The following RNF20 variants were observed in gnomAD, a reference collection of about 807,000 sequenced individuals.
RNF20 encodes E3 ubiquitin-protein ligase BRE1A.
In RNF20, 84 loss-of-function variants were observed where a neutral mutation model predicts 126.2. The ratio of observed to expected loss-of-function variants is 0.67; its 90% CI spans 0.56 to 0.80. The LOEUF (loss-of-function observed/expected upper bound fraction) is 0.80. RNF20 is among the 30% of genes least tolerant of loss of function. RNF20 has a pLI of 0.00. For synonymous variants in RNF20, 400 were observed against 414.3 expected (o/e 0.97, Z 0.42); for missense variants, 869 against 1,188.2 (o/e 0.73, Z 3.95).
intron 15 of RNF20, among the ~76,000 whole-genome samples, chr9:101,556,502 T>G (rs1310718957): frequency 6.6e-6 from 1 of 152,100 alleles, no homozygotes; most frequent in Non-Finnish European, 1.5e-5. Flanking sequence ...TAGAGAAAAG[T>G]TAGATACATA....
At position 101,551,730 on chromosome 9, in the gene RNF20, AGC is replaced by A. The variant is rs1325671487; in HGVS notation, c.1320_1321del (p.Gln440HisfsTer13). 1 of 1,601,738 alleles carries A rather than the reference AGC, an allele frequency of 6.2e-7. No homozygotes were observed. On this transcript the variant is annotated frameshift_variant, in exon 11 of 20. Transcript: ENST00000389120. LOFTEE classifies it high-confidence loss of function. The stretch of plus-strand genomic sequence containing the variant: ...AAGAAGCTGAGGACTGAAGTAATTC[AGC>A]TAGAAGATACATTGGCCCAGGTCCG...
intron 5 of RNF20, among the ~76,000 whole-genome samples, chr9:101,543,881 A>G (rs1827303360): frequency 6.6e-6 from 1 of 152,198 alleles, no homozygotes; most frequent in South Asian, 2.1e-4. Context: ...TAGGTATGAG[A>G]TAGGTCCTAG....
rs200595234 is a variant in RNF20 at position 101,540,290 on chromosome 9, C to T, written c.217C>T (p.Arg73Cys). The change falls in exon 3 of 20, where the codon CGT becomes TGT. Residue 73 changes from arginine to cysteine, a missense_variant. Coordinates refer to ENST00000389120, the MANE Select transcript of RNF20 (RefSeq NM_019592.7). Reference protein sequence around the residue: ...DQRQAIEDELREHIEKLERRQ... With the variant: ...DQRQAIEDELCEHIEKLERRQ... The stretch of plus-strand genomic sequence containing the variant: ...GCGGCAGGCCATTGAAGATGAACTT[C>T]GTGAGCACATTGAAAAACTGGAACG... 2.9e-5 allele frequency: 47 copies of T among 1,614,004 alleles called. No individual in the cohort carries two copies. The highest frequency in any genetic ancestry group is 3.3e-5 in the South Asian group (3 of 91,082).
In RNF20 at chr9:101,562,335, G is replaced by A. The variant is rs1827641760; in HGVS notation, c.2841G>A (p.Lys947=). 1 of 1,614,010 alleles carries A rather than the reference G, an allele frequency of 6.2e-7. No individual in the cohort carries two copies. Among genetic ancestry groups the A allele is most frequent in the African/African-American group, 1.3e-5 (1 of 75,036 alleles). Residue 947 remains lysine (K), a synonymous_variant, in exon 20 of 20, where the codon AAG becomes AAA. Transcript: ENST00000389120. The part of the protein sequence containing the change: ...CFHVFCFECV[K]TRYDTRQRKC... Reference sequence around the variant, plus strand: ...ATGTCTTCTGCTTTGAGTGTGTGAAGACACGCTATGACACCCGCCAGCGCA... The same window carrying A: ...ATGTCTTCTGCTTTGAGTGTGTGAAAACACGCTATGACACCCGCCAGCGCA...
At chr9:101,535,233 AT>A (rs78332864) in intron 1 of RNF20, among the ~76,000 whole-genome samples, 164 bp from the exon 2 acceptor site, 1,997 of 142,290 alleles carry the variant, frequency 0.014, 48 homozygotes, top group African/African-American at 0.044. Context: ...CTACAATTTA[AT>A]TTTTTTTTTT....
At chr9:101,560,444 T>A (rs758246094) in intron 16 of RNF20, among the ~76,000 whole-genome samples, 1 of 152,228 alleles carries the variant, frequency 6.6e-6, no homozygotes, top group Non-Finnish European at 1.5e-5. Flanking sequence ...TCTTTTAGAA[T>A]GTCTAGCCAT....
intron 16 of RNF20, among the ~76,000 whole-genome samples, chr9:101,560,261 G>A (rs935641784): frequency 8.5e-5 from 13 of 152,150 alleles, no homozygotes; most frequent in Non-Finnish European, 1.5e-5. Context: ...CTTGATCATG[G>A]TGGACTATCT....
intron 18 of RNF20, 200 bp downstream of exon 18, chr9:101,561,430 C>G (rs934202660): frequency 1.9e-6 from 1 of 528,452 alleles, no homozygotes; most frequent in Non-Finnish European, 3.3e-6. Flanking sequence ...CTAGTAGGCA[C>G]AAAATAAATA....
intron 2 of RNF20, among the ~76,000 whole-genome samples, chr9:101,536,802 A>T (rs1827192192): frequency 1.3e-5 from 2 of 152,186 alleles, no homozygotes; most frequent in South Asian, 4.1e-4. Context: ...AGAGGCAATG[A>T]GGAGTTAGTG....
Position 101,546,924 on chromosome 9 carries a change from G to C in RNF20, c.852G>C (p.Arg284Ser). The C allele has an allele frequency of 6.2e-7, 1 of 1,614,122 alleles. No individual in the cohort carries two copies. Among genetic ancestry groups the C allele is most frequent in the East Asian group, 2.2e-5 (1 of 44,874 alleles). Reference protein sequence around the residue: ...LQWDIDKIRKREQRLNRHLAE... With the variant: ...LQWDIDKIRKSEQRLNRHLAE... ...GGGATATTGACAAAATTCGAAAGAG[G>C]GAACAGCGACTCAACCGACACTTAG... The change falls in exon 7 of 20, where the codon AGG becomes AGC. Residue 284 changes from arginine to serine, a missense_variant. By Grantham distance (110) the Arg-to-Ser change is moderately radical (BLOSUM62 -1). Coordinates refer to ENST00000389120, the MANE Select transcript of RNF20 (RefSeq NM_019592.7).
chr9:101,560,900 C>T lies in RNF20; in HGVS notation c.2482C>T (p.Gln828Ter). Residue 828 changes from glutamine to a stop codon, truncating the protein, a stop_gained, in exon 17 of 20, where the codon CAA (glutamine) becomes TAA (stop). Coordinates refer to ENST00000389120, the MANE Select transcript of RNF20 (RefSeq NM_019592.7). LOFTEE classifies it high-confidence loss of function. ...GGAGAAAGAGCTGGGTCTTAGGACC[C>T]AAGCCTTAGAGATGAATAAACGCAA... is the stretch of plus-strand genomic sequence containing the variant. ...TGEKELGLRT[Q>*]ALEMNKRKAM... 4.3e-6 allele frequency: 7 copies of T among 1,612,446 alleles called. No homozygotes were observed. The highest frequency in any genetic ancestry group is 5.9e-6 in the Non-Finnish European group (7 of 1,179,418).
Position 101,552,259 on chromosome 9 carries a change from C to T in RNF20, c.1527C>T (p.Asn509=). 6.2e-7 allele frequency: 1 copy of T among 1,614,166 alleles called. No individual in the cohort carries two copies. The change falls in exon 12 of 20, where the codon AAC becomes AAT. Residue 509 remains asparagine (N), a synonymous_variant. Coordinates refer to ENST00000389120, the MANE Select transcript of RNF20 (RefSeq NM_019592.7). ...TGAGAGAAGCCCAGTCTGACCTGAA[C>T]AAGGTAACCAGAGGGAATAGAATAA... The part of the protein sequence containing the change: ...RKLREAQSDL[N]KTRLRSGSAL...
chr9:101,545,102 C>A (rs1007520026), intron 6 of RNF20, among the ~76,000 whole-genome samples: 35 of 152,146 alleles, frequency 2.3e-4, no homozygotes, highest in African/African-American at 8.2e-4. Flanking sequence ...GTAGAAATTC[C>A]ACAGGGAATG....
chr9:101,554,131 C>G (rs770935310), intron 14 of RNF20, 26 bp downstream of exon 14: 1 of 1,269,640 alleles, frequency 7.9e-7, no homozygotes, highest in Non-Finnish European at 1.1e-6. Flanking sequence ...ATTACCTGTC[C>G]TTCTGGTTAA....
chr9:101,560,693 T>C (rs1247696639), intron 16 of RNF20, 108 bp from the exon 17 acceptor site: 2 of 1,096,292 alleles, frequency 1.8e-6, no homozygotes, highest in Admixed American at 6.3e-5. Flanking sequence ...CAGTAATAGT[T>C]TGAGATTTCT....
intron 19 of RNF20, 69 bp from the exon 20 acceptor site, chr9:101,562,177 T>C: frequency 3.3e-6 from 5 of 1,505,140 alleles, no homozygotes; most frequent in Non-Finnish European, 3.6e-6. Context: ...CTTGGTTGTG[T>C]AGTATATGAG....
At chr9:101,555,120 T>G (rs963657437) in intron 15 of RNF20, among the ~76,000 whole-genome samples, 2 of 152,116 alleles carry the variant, frequency 1.3e-5, no homozygotes, top group Non-Finnish European at 2.9e-5. Context: ...TTATTGAAGA[T>G]CTAGTCTTTC....
intron 10 of RNF20, among the ~76,000 whole-genome samples, chr9:101,551,445 A>G (rs1564110400): frequency 6.6e-6 from 1 of 152,180 alleles, no homozygotes; most frequent in African/African-American, 2.4e-5. Flanking sequence ...ATACTATTTT[A>G]CATATGTTTA....
intron 16 of RNF20, 71 bp from the exon 17 acceptor site, chr9:101,560,730 G>T: frequency 6.9e-7 from 1 of 1,448,506 alleles, no homozygotes; most frequent in South Asian, 1.4e-5. Context: ...TGGGCTTATA[G>T]ATTAACAGAA....
Sources: allele counts gnomAD v4.1 joint callset (sites outside exome capture counted in the v4.1 genomes callset), GRCh38; gene constraint gnomAD v4.1.1; transcripts MANE v1.5; gene names NCBI Gene and HGNC (gene_info 2026-07-23, HGNC 2026-07-21).